The following OR51B5 variants were observed in gnomAD, a reference collection of about 807,000 sequenced individuals.
OR51B5 encodes the protein olfactory receptor 51B5.
For missense variants in OR51B5, 456 were observed against 374.6 expected, an observed-to-expected ratio of 1.22 and a Z score of -1.79; for synonymous variants, 186 against 144.8, an observed-to-expected ratio of 1.28 and a Z score of -2.04.
At chr11:5,359,937 C>T (rs1420493944) in intron 1 of OR51B5, among the ~76,000 whole-genome samples, 3 of 152,134 alleles carry the variant, frequency 2.0e-5, no homozygotes, top group Non-Finnish European at 2.9e-5. Flanking sequence ...AACTGGCTAA[C>T]CATACGCAGA....
intron 1 of OR51B5, chr11:5,453,968 C>T: frequency 6.2e-7 from 1 of 1,614,096 alleles, no homozygotes; most frequent in Non-Finnish European, 8.5e-7. Flanking sequence ...TCCCTCTTCC[C>T]TTTCTTATTA....
At chr11:5,364,873 T>TAATA (rs1564922755) in intron 1 of OR51B5, among the ~76,000 whole-genome samples, 2 of 152,238 alleles carry the variant, frequency 1.3e-5, no homozygotes, top group African/African-American at 4.8e-5. Context: ...TTCCATTTAA[T>TAATA]ATAGTTTTAT....
intron 1 of OR51B5, among the ~76,000 whole-genome samples, chr11:5,482,088 C>T (rs1851432116): frequency 8.3e-6 from 1 of 120,128 alleles, no homozygotes; most frequent in Non-Finnish European, 1.7e-5. Flanking sequence ...AGGCATCACA[C>T]TACCTGACTT....
chr11:5,377,564 C>T (rs148368197), intron 1 of OR51B5, among the ~76,000 whole-genome samples: 2 of 151,718 alleles, frequency 1.3e-5, no homozygotes, highest in Admixed American at 6.6e-5. Context: ...AGAAAACCCC[C>T]TTGTCTCAGC....
In OR51B5 at chr11:5,441,269, A is replaced by G. The variant is rs758237697; in HGVS notation, n.84+64300T>C. 6.2e-6 allele frequency: 10 copies of G among 1,613,884 alleles called. No homozygotes were observed. The East Asian group carries it at 2.2e-4, about 36-fold the overall frequency. ...AGTTGAAGCAGAAAGTAGAAATCAC[A>G]GTGGGAAGTGTAGAAAAGGACACTC... On this transcript the variant is annotated intron_variant and non_coding_transcript_variant, in intron 1 of 4. Coordinates refer to the OR51B5 transcript ENST00000415970.
chr11:5,505,370 G>A (rs1846357076), intron 1 of OR51B5: 5 of 1,304,072 alleles, frequency 3.8e-6, no homozygotes, highest in Non-Finnish European at 5.1e-6. Flanking sequence ...GGAAGAAAAT[G>A]GAGAGGCAAG....
At chr11:5,417,122 C>T (rs1269327540) in intron 1 of OR51B5, among the ~76,000 whole-genome samples, 13 of 151,934 alleles carry the variant, frequency 8.6e-5, no homozygotes, top group South Asian at 2.1e-4. Flanking sequence ...GAAATAACAC[C>T]GCATATCTGC....
chr11:5,461,468 T>G (rs11037558), intron 1 of OR51B5, among the ~76,000 whole-genome samples: 45,521 of 151,952 alleles, frequency 0.3, 7,002 homozygotes, highest in East Asian at 0.43. Flanking sequence ...AGACTGGGGC[T>G]CATTCAGATC....
intron 1 of OR51B5, chr11:5,430,836 G>A (rs1178328333): frequency 6.6e-6 from 3 of 457,270 alleles, no homozygotes; most frequent in African/African-American, 6.0e-5. Flanking sequence ...CCCCAATCAT[G>A]GGCACATAAT....
intron 1 of OR51B5, among the ~76,000 whole-genome samples, chr11:5,452,549 C>G (rs10838131): frequency 0.53 from 60,411 of 112,930 alleles, 15,106 homozygotes; most frequent in Non-Finnish European, 0.56. Context: ...AAAAAATCAA[C>G]AGGGACTGTT....
At chr11:5,368,188 G>A (rs1207718779) in intron 1 of OR51B5, among the ~76,000 whole-genome samples, 1 of 152,138 alleles carries the variant, frequency 6.6e-6, no homozygotes, top group Non-Finnish European at 1.5e-5. Flanking sequence ...TAAGTGTTCT[G>A]TAGGCTTCTT....
intron 1 of OR51B5, among the ~76,000 whole-genome samples, chr11:5,447,687 T>TA (rs1850787363): frequency 6.6e-6 from 1 of 152,150 alleles, no homozygotes; most frequent in Admixed American, 6.6e-5. Context: ...TCTACAAATA[T>TA]GGGGCATTAG....
At chr11:5,389,495 G>T (rs1483214068) in intron 1 of OR51B5, 2 of 1,613,980 alleles carry the variant, frequency 1.2e-6, no homozygotes, top group Middle Eastern at 3.3e-4. Context: ...TCCTGGATTG[G>T]AAGGCATCAA....
At chr11:5,387,931 C>G (rs560689984) in intron 1 of OR51B5, among the ~76,000 whole-genome samples, 36 of 152,128 alleles carry the variant, frequency 2.4e-4, no homozygotes, top group African/African-American at 8.2e-4. Flanking sequence ...TGTCTCTGTT[C>G]TGTTTCTGTT....
chr11:5,468,526 C>A, intron 1 of OR51B5: 4 of 371,048 alleles, frequency 1.1e-5, no homozygotes, highest in South Asian at 2.0e-5. Context: ...TAGTCTCCTG[C>A]GAATCTCCTT....
chr11:5,498,267 G>A (rs1198616094), intron 1 of OR51B5, among the ~76,000 whole-genome samples: 1 of 152,186 alleles, frequency 6.6e-6, no homozygotes, highest in Non-Finnish European at 1.5e-5. Flanking sequence ...TGAGTGAACA[G>A]CAGTGGTAGT....
At chr11:5,396,984 G>A (rs1849883409) in intron 1 of OR51B5, among the ~76,000 whole-genome samples, 1 of 152,216 alleles carries the variant, frequency 6.6e-6, no homozygotes, top group African/African-American at 2.4e-5. Context: ...ATGGTGCTGG[G>A]AAAACTGGCT....
chr11:5,364,971 G>A (rs753647235), intron 1 of OR51B5, among the ~76,000 whole-genome samples: 4 of 145,782 alleles, frequency 2.7e-5, no homozygotes, highest in Non-Finnish European at 4.6e-5. Context: ...AAAAAATGAA[G>A]TAACAGAAGG....
intron 1 of OR51B5, among the ~76,000 whole-genome samples, chr11:5,380,385 C>A (rs1382555222): frequency 1.3e-5 from 2 of 152,138 alleles, no homozygotes; most frequent in Non-Finnish European, 2.9e-5. Flanking sequence ...TTCTGTGGGT[C>A]TCTCCAGTCT....
Sources: gnomAD v4.1 joint callset for allele counts (sites outside exome capture counted in the v4.1 genomes callset) on GRCh38, gnomAD v4.1.1 for gene constraint, MANE v1.5 for transcripts, NCBI Gene and HGNC (gene_info 2026-07-23, HGNC 2026-07-21) for gene names.